The following CALD1 variants were observed in gnomAD, a reference collection of about 807,000 sequenced individuals.
The protein encoded by CALD1 is caldesmon.
Under a neutral mutation model 99.9 loss-of-function variants are expected in CALD1, and 33 were observed. The ratio of observed to expected loss-of-function variants is 0.33; its 90% confidence interval spans 0.25 to 0.44. The LOEUF (loss-of-function observed/expected upper bound fraction) is 0.44. CALD1 is among the 20% of genes least tolerant of loss of function. The probability of loss-of-function intolerance (pLI) is 1.00; values close to 1 mark genes in which losing one functional copy is unlikely to be tolerated. For missense variants in CALD1, 861 were observed against 962.1 expected, an observed-to-expected ratio of 0.89 and a Z score of 1.39; for synonymous variants, 310 against 325.0, an observed-to-expected ratio of 0.95 and a Z score of 0.50.
Position 134,933,376 on chromosome 7 carries a change from A to G in CALD1, c.607A>G (p.Ile203Val). 2.5e-6 allele frequency: 4 copies of G among 1,610,498 alleles called. No individual in the cohort carries two copies. The highest frequency in any genetic ancestry group is 3.4e-6 in the Non-Finnish European group (4 of 1,178,106). The change falls in exon 5 of 15, where the codon ATT (isoleucine) becomes GTT (valine). Residue 203 changes from isoleucine (I) to valine (V), a missense_variant. Physicochemically the swap from Ile to Val is conservative, Grantham distance 29 (BLOSUM62 3). Around this residue, in one of 5 missense-constraint regions of CALD1, gnomAD observed 234 missense variants for 233.1 expected, o/e 1.00. Coordinates refer to ENST00000361675, the MANE Select transcript of CALD1 (RefSeq NM_033138.4). ...EEEEKPKRGS[I>V]GENQVEVMVE... The stretch of plus-strand genomic sequence containing the variant: ...AGAGGAGAAGCCAAAGCGAGGGAGC[A>G]TTGGAGAAAATCAGGTAGAGGTGAT...
chr7:134,714,126 C>A, the CALD1 span, among the ~76,000 whole-genome samples: 22 of 152,172 alleles, frequency 1.4e-4, no homozygotes, highest in Admixed American at 9.8e-4. Flanking sequence ...TATCTTCTGC[C>A]GTGATTGAAA....
the CALD1 span, among the ~76,000 whole-genome samples, chr7:134,737,647 C>T: frequency 1.3e-5 from 2 of 152,068 alleles, no homozygotes; most frequent in African/African-American, 4.8e-5. Flanking sequence ...GGAGGTAGTG[C>T]TCGTGAATTC....
chr7:134,811,536 G>C (rs1282698969), intron 1 of CALD1, among the ~76,000 whole-genome samples: 2 of 152,154 alleles, frequency 1.3e-5, no homozygotes, highest in Non-Finnish European at 2.9e-5. Context: ...CTTCATTTTA[G>C]TGAAAGTCTC....
At chr7:134,896,313 C>G (rs558624573) in intron 3 of CALD1, among the ~76,000 whole-genome samples, 3 of 149,814 alleles carry the variant, frequency 2.0e-5, no homozygotes, top group African/African-American at 7.4e-5. Context: ...CTTTGTGGCA[C>G]TGGGAAACAA....
At chr7:134,835,892 T>A (rs939129704) in intron 1 of CALD1, among the ~76,000 whole-genome samples, 2 of 152,164 alleles carry the variant, frequency 1.3e-5, no homozygotes, top group Admixed American at 1.3e-4. Flanking sequence ...ACACCTGTAA[T>A]CCCAGAAATT....
At chr7:134,876,234 G>A (rs1276924190) in intron 3 of CALD1, among the ~76,000 whole-genome samples, 1 of 152,130 alleles carries the variant, frequency 6.6e-6, no homozygotes, top group African/African-American at 2.4e-5. Flanking sequence ...AAGAATCCCT[G>A]ATCTAATGAA....
intron 3 of CALD1, among the ~76,000 whole-genome samples, chr7:134,878,703 T>C (rs965993943): frequency 3.3e-5 from 5 of 152,192 alleles, no homozygotes; most frequent in African/African-American, 4.8e-5. Flanking sequence ...CTCACTCCTT[T>C]GGGATCCCAA....
At chr7:134,833,635 T>G (rs1456722628) in intron 1 of CALD1, among the ~76,000 whole-genome samples, 11 of 152,260 alleles carry the variant, frequency 7.2e-5, no homozygotes, top group Admixed American at 7.2e-4. Context: ...GAGACCTCAC[T>G]TATTTATTCA....
At chr7:134,781,596 AG>A (rs1241370865) in intron 1 of CALD1, among the ~76,000 whole-genome samples, 2 of 86,816 alleles carry the variant, frequency 2.3e-5, no homozygotes, top group East Asian at 1.9e-3. Context: ...GTGAGGCCAA[AG>A]GAGCACAATG....
chr7:134,730,239 C>T, the CALD1 span, among the ~76,000 whole-genome samples: 1 of 149,990 alleles, frequency 6.7e-6, no homozygotes, highest in Non-Finnish European at 1.5e-5. Context: ...TTTCCTCCCT[C>T]TCTTTCTCAC....
At chr7:134,860,667 C>G (rs1269164139) in intron 2 of CALD1, among the ~76,000 whole-genome samples, 1 of 152,030 alleles carries the variant, frequency 6.6e-6, no homozygotes, top group East Asian at 1.9e-4. Flanking sequence ...GCCTTAAGAA[C>G]AAAAGCATAT....
intron 2 of CALD1, among the ~76,000 whole-genome samples, chr7:134,848,598 C>T (rs562012956): frequency 3.9e-5 from 6 of 152,184 alleles, no homozygotes; most frequent in South Asian, 4.1e-4. Flanking sequence ...AGGATGCAGA[C>T]GAGAATGAAT....
chr7:134,878,802 T>C (rs1801464997), intron 3 of CALD1, among the ~76,000 whole-genome samples: 1 of 151,328 alleles, frequency 6.6e-6, no homozygotes, highest in African/African-American at 2.4e-5. Context: ...TCTCTACAAA[T>C]AATAATAATA....
chr7:134,919,772 T>C (rs1586305764), intron 3 of CALD1, among the ~76,000 whole-genome samples: 1 of 152,302 alleles, frequency 6.6e-6, no homozygotes, highest in Non-Finnish European at 1.5e-5. Flanking sequence ...AACCCCACAA[T>C]GAAATAATAC....
At chr7:134,957,324 T>C (rs1198350464) in intron 9 of CALD1, among the ~76,000 whole-genome samples, 1 of 152,180 alleles carries the variant, frequency 6.6e-6, no homozygotes, top group African/African-American at 2.4e-5. Context: ...TATGGGAAAA[T>C]TTTGTTACTC....
At chr7:134,725,161 G>A in the CALD1 span, among the ~76,000 whole-genome samples, 2 of 152,190 alleles carry the variant, frequency 1.3e-5, no homozygotes, top group African/African-American at 4.8e-5. Flanking sequence ...CAGGGCCACA[G>A]CCCTGGCCTG....
At chr7:134,891,473 C>T in intron 3 of CALD1, 1 of 1,375,656 alleles carries the variant, frequency 7.3e-7, no homozygotes, top group Non-Finnish European at 9.5e-7. Flanking sequence ...AACGTGTTAA[C>T]ACAAAGGGAG....
At chr7:134,942,816 A>G (rs1806553872) in intron 7 of CALD1, among the ~76,000 whole-genome samples, 1 of 152,212 alleles carries the variant, frequency 6.6e-6, no homozygotes, top group Non-Finnish European at 1.5e-5. Flanking sequence ...TGTCAGTAGA[A>G]AAAAGTCTGT....
chr7:134,925,771 C>T (rs1281395150), intron 3 of CALD1, among the ~76,000 whole-genome samples: 1 of 152,180 alleles, frequency 6.6e-6, no homozygotes, highest in Non-Finnish European at 1.5e-5. Flanking sequence ...TGGGTGGGGA[C>T]ACAAAGCCTA....
Sources: allele counts gnomAD v4.1 joint callset (sites outside exome capture counted in the v4.1 genomes callset), GRCh38; gene constraint gnomAD v4.1.1; regional missense constraint gnomAD v4.1.1; transcripts MANE v1.5; gene names NCBI Gene and HGNC (gene_info 2026-07-23, HGNC 2026-07-21).